The following FRS2 variants were observed in gnomAD, a reference collection of about 807,000 sequenced individuals.
The protein encoded by FRS2 is FGFR signalling adaptor.
FRS2 carries 8 observed loss-of-function variants against 43.9 expected under a neutral mutation model. The ratio of observed to expected loss-of-function variants is 0.18; its 90% CI spans 0.11 to 0.33. FRS2 has a LOEUF of 0.33. Ranked by LOEUF, FRS2 falls within the 10% of genes least tolerant of loss-of-function variation. The probability of loss-of-function intolerance (pLI) is 1.00; values close to 1 mark genes in which losing one functional copy is unlikely to be tolerated. For missense variants in FRS2, 534 were observed against 627.6 expected, an observed-to-expected ratio of 0.85 and a Z score of 1.59; for synonymous variants, 219 against 220.3, an observed-to-expected ratio of 0.99 and a Z score of 0.05.
At chr12:69,472,272 T>C (rs953634842) in intron 1 of FRS2, among the ~76,000 whole-genome samples, 10 of 147,138 alleles carry the variant, frequency 6.8e-5, no homozygotes, top group African/African-American at 2.5e-4. Context: ...TTTTTTTTTT[T>C]TGTAGAGCCG....
In FRS2 at chr12:69,574,726, A is replaced by G; in HGVS notation, c.1298A>G (p.Gln433Arg). 6.2e-7 allele frequency: 1 copy of G among 1,614,232 alleles called. No homozygotes were observed. The highest frequency in any genetic ancestry group is 8.5e-7 in the Non-Finnish European group (1 of 1,180,032). ...AGACGCCCAAGTTTAGAACACAGGC[A>G]GCTTAATTACATACAGGTTGACTTG... Reference protein sequence around the residue: ...DIRRPSLEHRQLNYIQVDLEG... With the variant: ...DIRRPSLEHRRLNYIQVDLEG... Residue 433 changes from glutamine (Q) to arginine (R), a missense_variant, in exon 9 of 9, where the codon CAG (glutamine) becomes CGG (arginine). Coordinates refer to ENST00000549921, the MANE Select transcript of FRS2 (RefSeq NM_001278356.2).
chr12:69,570,407 A>G lies in FRS2; in HGVS notation c.143A>G (p.Tyr48Cys), dbSNP rs1880650914. Residue 48 changes from tyrosine (Y) to cysteine (C), a missense_variant, in exon 6 of 9, where the codon TAC becomes TGC. This residue lies in a region of FRS2 where 76 missense variants were observed against 90.5 expected (regional missense o/e 0.84). Coordinates refer to ENST00000549921, the MANE Select transcript of FRS2 (RefSeq NM_001278356.2). ...MELTDTELIL[Y>C]TRKRDSVKWH... is the part of the protein sequence containing the mutation. ...CTTACAGACACAGAACTGATTTTAT[A>G]CACCCGCAAACGTGACTCAGTAAAA... 43 of 1,613,010 alleles carry G rather than the reference A, an allele frequency of 2.7e-5. No homozygotes were observed. The highest frequency in any genetic ancestry group is 3.5e-5 in the Non-Finnish European group (41 of 1,178,994).
intron 1 of FRS2, among the ~76,000 whole-genome samples, chr12:69,498,557 T>TGTGTGTG (rs1565727359): frequency 2.8e-5 from 2 of 72,020 alleles, no homozygotes; most frequent in African/African-American, 1.5e-4. Flanking sequence ...GTGTGTTTGG[T>TGTGTGTG]TTTTTGTTTG....
At chr12:69,531,648 C>T (rs1310617793) in intron 2 of FRS2, among the ~76,000 whole-genome samples, 3 of 144,352 alleles carry the variant, frequency 2.1e-5, no homozygotes, top group African/African-American at 5.3e-5. Flanking sequence ...ATGCTTTTTA[C>T]CTTATGTGAA....
At chr12:69,537,756 A>C (rs1457215187) in intron 3 of FRS2, among the ~76,000 whole-genome samples, 18 of 152,096 alleles carry the variant, frequency 1.2e-4, no homozygotes, top group Non-Finnish European at 1.5e-5. Context: ...AATTGTGGAA[A>C]ATTCTTAACC....
intron 3 of FRS2, 132 bp from the exon 4 acceptor site, chr12:69,562,048 T>G (rs1879923043): frequency 2.6e-6 from 1 of 388,630 alleles, no homozygotes; most frequent in South Asian, 1.4e-4. Flanking sequence ...TGTTAAATAC[T>G]TTTTATTCAA....
At chr12:69,516,545 A>G (rs535010393) in intron 1 of FRS2, among the ~76,000 whole-genome samples, 1 of 152,228 alleles carries the variant, frequency 6.6e-6, no homozygotes, top group Admixed American at 6.5e-5. Flanking sequence ...GTGCCCTTCC[A>G]CACACATGCT....
chr12:69,510,084 C>G (rs1449324135), intron 1 of FRS2, among the ~76,000 whole-genome samples: 2 of 152,150 alleles, frequency 1.3e-5, no homozygotes, highest in African/African-American at 4.8e-5. Context: ...TCTCTAGCCC[C>G]CTCTTTCTCT....
intron 1 of FRS2, among the ~76,000 whole-genome samples, chr12:69,496,889 A>G (rs1444877345): frequency 1.3e-5 from 2 of 152,246 alleles, no homozygotes; most frequent in African/African-American, 4.8e-5. Context: ...TATGTGCTAG[A>G]TGCTATTCTA....
intron 1 of FRS2, among the ~76,000 whole-genome samples, chr12:69,521,480 T>C (rs780437232): frequency 3.3e-5 from 5 of 152,244 alleles, no homozygotes; most frequent in Admixed American, 6.5e-5. Flanking sequence ...TGTTTTGTGC[T>C]GGTTTTTAAG....
At chr12:69,547,693 G>A (rs1878525261) in intron 3 of FRS2, among the ~76,000 whole-genome samples, 1 of 152,006 alleles carries the variant, frequency 6.6e-6, no homozygotes, top group Non-Finnish European at 1.5e-5. Context: ...TGTAGTTCTT[G>A]GAATGTTCCG....
Position 69,571,272 on chromosome 12 carries a change from G to T in FRS2, c.254-4G>T, listed in dbSNP as rs1184413354. On this transcript the variant is annotated splice_region_variant and splice_polypyrimidine_tract_variant and intron_variant, in intron 6 of 8. Transcript: ENST00000549921. ...TATTTTTCCCTTTTGGTTTATATTT[G>T]TAGGAATCTTTGCCTTTAAGTGTGC... is the stretch of plus-strand genomic sequence containing the variant. The T allele has an allele frequency of 6.3e-7, 1 of 1,583,710 alleles. No homozygotes were observed. The highest frequency in any genetic ancestry group is 8.6e-7 in the Non-Finnish European group (1 of 1,166,608).
intron 5 of FRS2, among the ~76,000 whole-genome samples, chr12:69,569,316 C>A: frequency 6.6e-6 from 1 of 151,918 alleles, no homozygotes; most frequent in East Asian, 1.9e-4. Flanking sequence ...TTAGCCATAC[C>A]GTTCTGGTAA....
intron 1 of FRS2, among the ~76,000 whole-genome samples, chr12:69,483,930 T>TC (rs1871580943): frequency 6.6e-6 from 1 of 152,140 alleles, no homozygotes; most frequent in African/African-American, 2.4e-5. Context: ...GTTTTCTCCT[T>TC]CCCCCAACTT....
chr12:69,508,884 C>T (rs1874200639), intron 1 of FRS2, among the ~76,000 whole-genome samples: 1 of 152,110 alleles, frequency 6.6e-6, no homozygotes, highest in Middle Eastern at 3.2e-3. Context: ...TACATACTTC[C>T]CTTTTTCTCA....
At chr12:69,525,190 T>C (rs1455420276) in intron 1 of FRS2, among the ~76,000 whole-genome samples, 1 of 61,864 alleles carries the variant, frequency 1.6e-5, no homozygotes, top group Admixed American at 1.3e-4. Context: ...AGATGTAATA[T>C]TGTTTTTTTT....
chr12:69,508,999 C>T (rs1645195920), intron 1 of FRS2, among the ~76,000 whole-genome samples: 1 of 152,072 alleles, frequency 6.6e-6, no homozygotes. Flanking sequence ...TTTTGTTTTT[C>T]CAGATAATTA....
chr12:69,503,428 A>C (rs1181746585), intron 1 of FRS2, among the ~76,000 whole-genome samples: 1 of 152,140 alleles, frequency 6.6e-6, no homozygotes, highest in African/African-American at 2.4e-5. Flanking sequence ...CATCATATTC[A>C]TAGTCCTAGA....
intron 1 of FRS2, among the ~76,000 whole-genome samples, chr12:69,523,647 G>A (rs1875910449): frequency 6.6e-6 from 1 of 152,066 alleles, no homozygotes; most frequent in Non-Finnish European, 1.5e-5. Context: ...TGACTTTTTT[G>A]TGTGGTTGCC....
Sources: gnomAD v4.1 joint callset for allele counts (sites outside exome capture counted in the v4.1 genomes callset) on GRCh38, gnomAD v4.1.1 for gene constraint, gnomAD v4.1.1 regional missense constraint, MANE v1.5 for transcripts, NCBI Gene and HGNC (gene_info 2026-07-23, HGNC 2026-07-21) for gene names.